The following CYP2C8 variants were observed in gnomAD, a reference collection of about 807,000 sequenced individuals.
CYP2C8 encodes the protein cytochrome P450 family 2 subfamily C member 8.
CYP2C8 carries 51 observed loss-of-function variants against 41.3 expected under a neutral mutation model. The ratio of observed to expected loss-of-function variants is 1.24; its 90% CI spans 0.99 to 1.56. The LOEUF (loss-of-function observed/expected upper bound fraction) is 1.56, where lower values mean the gene tolerates loss of function less well. Among genes scored for constraint, CYP2C8 ranks in the 40% most tolerant of loss-of-function variants. The pLI, the probability that CYP2C8 is intolerant of heterozygous loss-of-function variation, is 0.00. For synonymous variants in CYP2C8, 218 were observed against 205.8 expected (o/e 1.06, Z -0.51); for missense variants, 651 against 579.9 (o/e 1.12, Z -1.26).
chr10:95,069,196 C>A (rs368939862), intron 1 of CYP2C8, 39 bp downstream of exon 1: 4 of 1,611,754 alleles, frequency 2.5e-6, no homozygotes, highest in Non-Finnish European at 3.4e-6. Flanking sequence ...AAATAACTTA[C>A]CCTTTGCAAT....
At chr10:95,062,948 A>G (rs998865400) in intron 4 of CYP2C8, among the ~76,000 whole-genome samples, 1 of 152,142 alleles carries the variant, frequency 6.6e-6, no homozygotes, top group Non-Finnish European at 1.5e-5. Flanking sequence ...CTTTTCTTTA[A>G]GAATGTTGAA....
At chr10:95,065,461 C>A (rs562274194) in intron 3 of CYP2C8, among the ~76,000 whole-genome samples, 4 of 152,188 alleles carry the variant, frequency 2.6e-5, no homozygotes, top group African/African-American at 9.6e-5. Flanking sequence ...ATGTGAAAAG[C>A]AAGTACATCC....
chr10:95,039,086 T>C, intron 7 of CYP2C8, 48 bp from the exon 8 acceptor site: 2 of 1,560,418 alleles, frequency 1.3e-6, no homozygotes, highest in South Asian at 1.1e-5. Context: ...AGTCCAGAAG[T>C]GAGGAGAAGT....
intron 5 of CYP2C8, among the ~76,000 whole-genome samples, chr10:95,052,440 A>G (rs912112379): frequency 6.6e-6 from 1 of 152,102 alleles, no homozygotes; most frequent in South Asian, 2.1e-4. Context: ...ATACTTCCAA[A>G]TTAATTCTAT....
At chr10:95,060,871 A>C (rs559457460) in intron 4 of CYP2C8, among the ~76,000 whole-genome samples, 4 of 152,062 alleles carry the variant, frequency 2.6e-5, no homozygotes, top group Non-Finnish European at 5.9e-5. Flanking sequence ...TGAATTTTTT[A>C]AAAGGCCTTT....
intron 8 of CYP2C8, among the ~76,000 whole-genome samples, chr10:95,038,489 C>T (rs2032930056): frequency 6.6e-6 from 1 of 152,146 alleles, no homozygotes; most frequent in Non-Finnish European, 1.5e-5. Context: ...GAAAGTTGTG[C>T]CCTTGGAGCT....
chr10:95,048,724 C>G (rs371620731), intron 5 of CYP2C8, among the ~76,000 whole-genome samples: 63 of 152,236 alleles, frequency 4.1e-4, no homozygotes, highest in African/African-American at 1.5e-3. Context: ...GCCACCTACG[C>G]TGGTAGCTGT....
intron 7 of CYP2C8, among the ~76,000 whole-genome samples, chr10:95,042,012 C>A (rs997241441): frequency 2.0e-5 from 3 of 151,892 alleles, no homozygotes; most frequent in East Asian, 1.9e-4. Flanking sequence ...CGTGAAAATT[C>A]TTTTATAAAT....
chr10:95,062,312 G>A (rs1201723699), intron 4 of CYP2C8, among the ~76,000 whole-genome samples: 9 of 152,076 alleles, frequency 5.9e-5, no homozygotes, highest in Non-Finnish European at 1.3e-4. Context: ...TGCTTGATGA[G>A]TCTGGGTGCT....
chr10:95,047,748 G>A (rs2033137908), intron 5 of CYP2C8, among the ~76,000 whole-genome samples: 1 of 152,176 alleles, frequency 6.6e-6, no homozygotes, highest in Non-Finnish European at 1.5e-5. Flanking sequence ...TAAATTGAAA[G>A]TGTGAATACA....
At chr10:95,050,334 C>A (rs1242274326) in intron 5 of CYP2C8, among the ~76,000 whole-genome samples, 1 of 152,118 alleles carries the variant, frequency 6.6e-6, no homozygotes, top group Non-Finnish European at 1.5e-5. Context: ...TGCCTGGGTA[C>A]TGGAAGAATT....
intron 7 of CYP2C8, among the ~76,000 whole-genome samples, chr10:95,041,121 G>A (rs1188236327): frequency 1.3e-5 from 2 of 152,136 alleles, no homozygotes; most frequent in Non-Finnish European, 2.9e-5. Flanking sequence ...ATAAATAGAT[G>A]CAGAGAATCA....
chr10:95,054,843 A>G (rs1161731558), intron 5 of CYP2C8, among the ~76,000 whole-genome samples: 2 of 152,176 alleles, frequency 1.3e-5, no homozygotes, highest in Non-Finnish European at 2.9e-5. Flanking sequence ...AGAACCTATA[A>G]TCAAGAAGAT....
chr10:95,046,179 G>T (rs563360398), intron 5 of CYP2C8, among the ~76,000 whole-genome samples: 72 of 152,258 alleles, frequency 4.7e-4, no homozygotes, highest in African/African-American at 1.6e-3. Context: ...CGCTGCTTAG[G>T]TTAGTCACAC....
intron 7 of CYP2C8, among the ~76,000 whole-genome samples, chr10:95,041,622 A>AT (rs2134408642): frequency 1.3e-5 from 2 of 148,616 alleles, no homozygotes; most frequent in Middle Eastern, 6.8e-3. Flanking sequence ...TCTACTAAAA[A>AT]TACAAAAAAT....
chr10:95,056,720 T>C (rs1432751379), intron 5 of CYP2C8, among the ~76,000 whole-genome samples: 2 of 152,188 alleles, frequency 1.3e-5, no homozygotes, highest in Non-Finnish European at 2.9e-5. Context: ...TTGATTAATG[T>C]TTACTACATG....
intron 8 of CYP2C8, among the ~76,000 whole-genome samples, chr10:95,037,537 T>C (rs989486134): frequency 5.9e-5 from 9 of 152,248 alleles, no homozygotes; most frequent in African/African-American, 2.2e-4. Context: ...GTCTAACATC[T>C]AATCTCAATA....
At chr10:95,057,184 T>C (rs2033331282) in intron 5 of CYP2C8, among the ~76,000 whole-genome samples, 1 of 152,158 alleles carries the variant, frequency 6.6e-6, no homozygotes, top group African/African-American at 2.4e-5. Context: ...GCAGGAATGA[T>C]TGAAAGCTGC....
chr10:95,058,393 G>T lies in CYP2C8; in HGVS notation c.761C>A (p.Ser254Ter). ...IREKVKEHQASLDVNNPRDFI... is the reference protein window; with the variant it reads ...IREKVKEHQA ...GTCCCGAGGATTGTTAACATCCAGT[G>T]ATGCTTGGTGTTCTTTTACTTTCTC... Residue 254 changes from serine (S) to a stop codon, truncating the protein, a stop_gained, in exon 5 of 9, where the codon TCA becomes TAA. Coordinates refer to ENST00000371270, the MANE Select transcript of CYP2C8 (RefSeq NM_000770.3). LOFTEE classifies it high-confidence loss of function. The T allele has an allele frequency of 1.2e-6, 2 of 1,613,516 alleles. No individual in the cohort carries two copies. The highest frequency in any genetic ancestry group is 1.7e-6 in the Non-Finnish European group (2 of 1,179,674).
Sources: gnomAD v4.1 joint callset for allele counts (sites outside exome capture counted in the v4.1 genomes callset) on GRCh38, gnomAD v4.1.1 for gene constraint, MANE v1.5 for transcripts, NCBI Gene and HGNC (gene_info 2026-07-23, HGNC 2026-07-21) for gene names.